DHX33: variants seen among roughly 807,000 people sequenced by gnomAD.
DHX33 encodes the protein ATP-dependent RNA helicase DHX33.
A neutral mutation model predicts 72.5 loss-of-function variants in DHX33; 42 were observed. The observed-to-expected ratio is 0.58, with a 90% CI of 0.45 to 0.75. The LOEUF is 0.75. Ranked by LOEUF, DHX33 falls within the 30% of genes least tolerant of loss-of-function variation. DHX33 has a pLI of 0.00. For missense variants in DHX33, 842 were observed against 917.5 expected, an observed-to-expected ratio of 0.92 and a Z score of 1.06; for synonymous variants, 358 against 366.1, an observed-to-expected ratio of 0.98 and a Z score of 0.25.
At chr17:5,447,126 A>C (rs1303285290) in intron 11 of DHX33, among the ~76,000 whole-genome samples, 1 of 152,258 alleles carries the variant, frequency 6.6e-6, no homozygotes, top group Non-Finnish European at 1.5e-5. Context: ...GCTACCCTCT[A>C]TCTCTGACAT....
intron 1 of DHX33, among the ~76,000 whole-genome samples, chr17:5,465,711 C>T (rs547007361): frequency 3.9e-5 from 6 of 152,250 alleles, no homozygotes; most frequent in South Asian, 2.1e-4. Context: ...ATAGTGTAGC[C>T]GAAATGCACC....
chr17:5,452,986 C>G (rs1054650504), intron 8 of DHX33, among the ~76,000 whole-genome samples: 1 of 152,106 alleles, frequency 6.6e-6, no homozygotes, highest in African/African-American at 2.4e-5. Context: ...TGATGAGAGG[C>G]CAGGTGCCAA....
chr17:5,446,768 C>T (rs553980010), intron 11 of DHX33, among the ~76,000 whole-genome samples: 136 of 152,288 alleles, frequency 8.9e-4, no homozygotes, highest in African/African-American at 3.1e-3. Context: ...TATCCCTGGC[C>T]ACTACAGGGT....
rs572676878 is a variant in DHX33, at chr17:5,448,334, A to T, written c.1815+475T>A. ...CAGAGACATGCACAAAAACATACAT[A>T]CACAGAAACAAATTCTAGAAGGAGC... On this transcript the variant is annotated intron_variant, in intron 11 of 11. Coordinates refer to ENST00000225296, the MANE Select transcript of DHX33 (RefSeq NM_020162.4). Among the ~76,000 whole-genome samples the T allele has an allele frequency of 9.2e-5, 14 of 152,372 alleles. 1 individual carries two copies. The highest frequency in any genetic ancestry group is 1.3e-4 in the Non-Finnish European group (9 of 68,026).
chr17:5,461,216 C>T, intron 3 of DHX33, 107 bp from the exon 4 acceptor site: 1 of 1,190,782 alleles, frequency 8.4e-7, no homozygotes. Flanking sequence ...CCACCCCCAT[C>T]ACAGTTTACT....
chr17:5,452,359 T>C (rs1379678578), intron 8 of DHX33, among the ~76,000 whole-genome samples: 2 of 151,994 alleles, frequency 1.3e-5, no homozygotes. Context: ...GTCAACATAG[T>C]GAAACTCCAT....
At chr17:5,455,023 G>A (rs1043465201) in intron 6 of DHX33, 137 bp downstream of exon 6, 5 of 740,530 alleles carry the variant, frequency 6.8e-6, no homozygotes, top group Non-Finnish European at 1.2e-5. Context: ...TGGAGTGTAG[G>A]TGATCTCACT....
chr17:5,446,287 ACTCTTTTAT>A, intron 11 of DHX33, among the ~76,000 whole-genome samples: 1 of 152,060 alleles, frequency 6.6e-6, no homozygotes. Flanking sequence ...CCTGGAAGAT[ACTCTTTTAT>A]CTCCTTATCT....
chr17:5,458,054 G>C (rs1428516226), intron 4 of DHX33, among the ~76,000 whole-genome samples: 2 of 152,132 alleles, frequency 1.3e-5, no homozygotes, highest in Non-Finnish European at 2.9e-5. Context: ...GTGGGAGAGT[G>C]AAAACTCAGG....
Position 5,444,625 on chromosome 17 carries a change from T to A in DHX33, c.1816-112A>T, listed in dbSNP as rs1916574435. 1 of 1,121,454 alleles carries A rather than the reference T, an allele frequency of 8.9e-7. No individual in the cohort carries two copies. Among genetic ancestry groups the A allele is most frequent in the Admixed American group, 2.3e-5 (1 of 42,626 alleles). 69.5% of individuals were successfully genotyped at this position (1,121,454 alleles called of 1,614,324 possible). A position where few individuals can be genotyped will look rare whatever the true frequency, so the allele number is the denominator to read the frequency against. On this transcript the variant is annotated intron_variant, in intron 11 of 11. Transcript: ENST00000225296. The surrounding 1 kb of genome is among the most constrained non-coding windows in gnomAD (Gnocchi z 4.9). ...ACTGGGGCAAAAGCAGCCCACATTG[T>A]GAGCCTAACGATGTGGATTCTGACA...
Position 5,462,231 on chromosome 17 carries a change from C to T in DHX33, c.678+88G>A, listed in dbSNP as rs555537726. On this transcript the variant is annotated intron_variant, in intron 3 of 11. Transcript: ENST00000225296. ...CTGGGATTACAGGCGTGAGCCACCG[C>T]GCCCAGCCAGGCCTGTTTCCTTCTG... 3.4e-5 allele frequency: 44 copies of T among 1,290,888 alleles called. No homozygotes were observed. In the East Asian group the frequency reaches 8.9e-4, roughly 26 times the overall value. 80.0% of individuals were successfully genotyped at this position (1,290,888 alleles called of 1,614,324 possible). A position where few individuals can be genotyped will look rare whatever the true frequency, so the allele number is the denominator to read the frequency against.
At chr17:5,447,632 A>AG (rs375229389) in intron 11 of DHX33, among the ~76,000 whole-genome samples, 3 of 152,150 alleles carry the variant, frequency 2.0e-5, no homozygotes, top group African/African-American at 7.2e-5. Context: ...CTCAAAAAAA[A>AG]AGAAAGGAAA....
intron 8 of DHX33, among the ~76,000 whole-genome samples, chr17:5,451,263 G>A (rs1455404827): frequency 2.6e-5 from 4 of 151,960 alleles, no homozygotes; most frequent in Admixed American, 2.0e-4. Flanking sequence ...CCACCACCGC[G>A]CCCAGCTAAT....
intron 10 of DHX33, 71 bp from the exon 11 acceptor site, chr17:5,448,966 GCT>G: frequency 8.0e-7 from 1 of 1,249,512 alleles, no homozygotes; most frequent in Middle Eastern, 1.9e-4. Flanking sequence ...ACGGGGTCTT[GCT>G]CTGTTCCCTA....
rs955472183 is a variant in DHX33, at chr17:5,443,174, G to A, written c.*1031C>T. Reference sequence around the variant, plus strand: ...ACAAGAATGTAAGCCCAGATGTGGTGTGGTATCTGGCATAAGCCAATGTTC... The same window carrying A: ...ACAAGAATGTAAGCCCAGATGTGGTATGGTATCTGGCATAAGCCAATGTTC... On this transcript the variant is annotated 3_prime_UTR_variant, in exon 12 of 12. Coordinates refer to ENST00000225296, the MANE Select transcript of DHX33 (RefSeq NM_020162.4). 8 of 142,862 alleles carry A rather than the reference G, an allele frequency of 5.6e-5. No individual in the cohort carries two copies. The highest frequency in any genetic ancestry group is 1.0e-4 in the Non-Finnish European group (7 of 66,740). 8.8% of individuals were successfully genotyped at this position (142,862 alleles called of 1,614,324 possible).
At chr17:5,462,243 C>A (rs1401999385) in intron 3 of DHX33, 76 bp downstream of exon 3, 1 of 1,421,194 alleles carries the variant, frequency 7.0e-7, no homozygotes, top group Admixed American at 2.0e-5. Flanking sequence ...CCCAGCCAGG[C>A]CTGTTTCCTT....
At chr17:5,453,186 C>T (rs986210383) in intron 8 of DHX33, among the ~76,000 whole-genome samples, 1 of 152,168 alleles carries the variant, frequency 6.6e-6, no homozygotes, top group Non-Finnish European at 1.5e-5. Context: ...TTCACTGGTT[C>T]CAGAGGTCAA....
In DHX33 at chr17:5,444,580, G is replaced by T; in HGVS notation, c.1816-67C>A. On this transcript the variant is annotated intron_variant, in intron 11 of 11. Transcript: ENST00000225296. This position sits in a 1 kb window ranked among gnomAD's most constrained non-coding sequence, Gnocchi z 4.9. ...TAAACACTGGTCAGCACTACACAGC[G>T]TGTTGGGGCAACTGGACCCACTGGG... The T allele has an allele frequency of 6.6e-7, 1 of 1,515,332 alleles. No homozygotes were observed. 93.9% of individuals were successfully genotyped at this position (1,515,332 alleles called of 1,614,324 possible). A position where few individuals can be genotyped will look rare whatever the true frequency, so the allele number is the denominator to read the frequency against.
At position 5,465,014 on chromosome 17, in the gene DHX33, C is replaced by T. The variant is rs75937779; in HGVS notation, c.290-1325G>A. 3.6e-3 allele frequency among the ~76,000 whole-genome samples: 553 copies of T among 152,332 alleles called. 3 individuals carry two copies. The highest frequency in any genetic ancestry group is 0.012 in the African/African-American group (514 of 41,566). On this transcript the variant is annotated intron_variant, in intron 1 of 11. Transcript: ENST00000225296. The stretch of plus-strand genomic sequence containing the variant: ...TTGTACAGAAGCGTTTAAATGTGTC[C>T]GTCCTCCTCCAACACCAGAAGGGAA...
Sources: allele counts gnomAD v4.1 joint callset (sites outside exome capture counted in the v4.1 genomes callset), GRCh38; gene constraint gnomAD v4.1.1; non-coding constraint Gnocchi (gnomAD v3.1); transcripts MANE v1.5; gene names NCBI Gene and HGNC (gene_info 2026-07-23, HGNC 2026-07-21).